The following RIMS2 variants were observed in gnomAD, a reference collection of about 807,000 sequenced individuals.
The protein encoded by RIMS2 is regulating synaptic membrane exocytosis 2, also known as regulating synaptic membrane exocytosis protein 2.
Under a neutral mutation model 174.4 loss-of-function variants are expected in RIMS2, and 59 were observed. The observed-to-expected ratio is 0.34, with a 90% CI of 0.27 to 0.42. The LOEUF is 0.42. Ranked by LOEUF, RIMS2 falls within the 10% of genes least tolerant of loss-of-function variation. The probability of loss-of-function intolerance (pLI) is 1.00; values close to 1 mark genes in which losing one functional copy is unlikely to be tolerated. For synonymous variants in RIMS2, 606 were observed against 572.5 expected (o/e 1.06, Z -0.84); for missense variants, 1,620 against 1,666.3 (o/e 0.97, Z 0.48).
chr8:103,542,158 A>G (rs781327090), intron 1 of RIMS2, among the ~76,000 whole-genome samples: 1 of 152,188 alleles, frequency 6.6e-6, no homozygotes, highest in Non-Finnish European at 1.5e-5. Context: ...AAGAAAAGAT[A>G]TTCCAACTCA....
intron 3 of RIMS2, among the ~76,000 whole-genome samples, chr8:103,855,598 C>G (rs2099023346): frequency 6.6e-6 from 1 of 151,864 alleles, no homozygotes; most frequent in Admixed American, 6.6e-5. Context: ...TTATTTCTGC[C>G]TTAATTTCAG....
At chr8:103,796,926 A>C (rs1387399807) in intron 3 of RIMS2, among the ~76,000 whole-genome samples, 1 of 152,216 alleles carries the variant, frequency 6.6e-6, no homozygotes, top group Non-Finnish European at 1.5e-5. Flanking sequence ...CTGAGGTCCC[A>C]GTGACAAGTG....
intron 1 of RIMS2, among the ~76,000 whole-genome samples, chr8:103,532,926 A>T (rs1837921445): frequency 6.6e-6 from 1 of 152,236 alleles, no homozygotes; most frequent in South Asian, 2.1e-4. Flanking sequence ...GTAGAGTATG[A>T]GTTGCTAAGT....
chr8:103,868,997 T>G (rs2099096927), intron 3 of RIMS2, among the ~76,000 whole-genome samples: 1 of 152,086 alleles, frequency 6.6e-6, no homozygotes, highest in Non-Finnish European at 1.5e-5. Flanking sequence ...ATGAAAAAAT[T>G]TGTTATTTTT....
intron 3 of RIMS2, among the ~76,000 whole-genome samples, chr8:103,812,417 T>A (rs2098694554): frequency 1.3e-5 from 2 of 148,764 alleles, no homozygotes; most frequent in Admixed American, 1.4e-4. Flanking sequence ...TGGCACGATC[T>A]TGGCTCACTG....
chr8:103,680,228 T>C (rs902067151), intron 1 of RIMS2, among the ~76,000 whole-genome samples: 1 of 152,030 alleles, frequency 6.6e-6, no homozygotes, highest in Non-Finnish European at 1.5e-5. Flanking sequence ...CAGACCTATG[T>C]ATATATGGGA....
chr8:103,965,039 C>T (rs2091429001), intron 15 of RIMS2, among the ~76,000 whole-genome samples: 1 of 152,152 alleles, frequency 6.6e-6, no homozygotes, highest in Admixed American at 6.6e-5. Context: ...CCAAAGAGTA[C>T]CACAGTGTCC....
intron 1 of RIMS2, among the ~76,000 whole-genome samples, chr8:103,680,298 A>G (rs1450819511): frequency 6.6e-6 from 1 of 152,090 alleles, no homozygotes; most frequent in Non-Finnish European, 1.5e-5. Context: ...ACTAGCTAGT[A>G]TATGATGCTT....
chr8:104,009,294 T>C (rs1404490226), intron 17 of RIMS2, among the ~76,000 whole-genome samples: 3 of 151,798 alleles, frequency 2.0e-5, no homozygotes, highest in African/African-American at 4.8e-5. Flanking sequence ...CTGCTGGTTT[T>C]TTTTTTTATT....
intron 1 of RIMS2, among the ~76,000 whole-genome samples, chr8:103,659,881 C>T (rs1411539225): frequency 1.3e-5 from 2 of 152,352 alleles, no homozygotes; most frequent in East Asian, 3.9e-4. Flanking sequence ...AATGCTGCTT[C>T]GAGTGCACAC....
At chr8:104,037,872 T>G (rs2096546128) in intron 19 of RIMS2, among the ~76,000 whole-genome samples, 1 of 152,140 alleles carries the variant, frequency 6.6e-6, no homozygotes, top group African/African-American at 2.4e-5. Context: ...TGGATGCATA[T>G]ATGACAGTGG....
chr8:104,064,352 T>C (rs906352935), intron 19 of RIMS2, among the ~76,000 whole-genome samples: 4 of 152,108 alleles, frequency 2.6e-5, no homozygotes, highest in African/African-American at 9.6e-5. Context: ...AAATTTCCAA[T>C]TTAAAAAAAT....
intron 1 of RIMS2, among the ~76,000 whole-genome samples, chr8:103,589,664 G>C (rs950735619): frequency 6.6e-6 from 1 of 151,532 alleles, no homozygotes; most frequent in Non-Finnish European, 1.5e-5. Flanking sequence ...CAATAGCTAA[G>C]ATTTGGAAGC....
intron 20 of RIMS2, among the ~76,000 whole-genome samples, chr8:104,246,556 A>G (rs1240047435): frequency 6.6e-6 from 1 of 152,224 alleles, no homozygotes; most frequent in African/African-American, 2.4e-5. Context: ...TAAAAGAAAA[A>G]CTAGTAAAAT....
intron 1 of RIMS2, among the ~76,000 whole-genome samples, chr8:103,587,607 C>G (rs941090461): frequency 6.6e-6 from 1 of 151,856 alleles, no homozygotes; most frequent in Non-Finnish European, 1.5e-5. Flanking sequence ...AAGGATGGCT[C>G]AACGTACACA....
intron 3 of RIMS2, chr8:103,768,375 T>C (rs1197461499): frequency 2.7e-6 from 2 of 736,490 alleles, no homozygotes; most frequent in Non-Finnish European, 5.0e-6. Context: ...GAGAAGCATA[T>C]GGCCACAGAA....
At chr8:104,245,143 A>G (rs1166066330) in intron 20 of RIMS2, 86 bp downstream of exon 26, 5 of 1,365,852 alleles carry the variant, frequency 3.7e-6, no homozygotes, top group Non-Finnish European at 5.1e-6. Context: ...TCCAACTCTC[A>G]TGCTCTTCAG....
chr8:104,251,844 C>T (rs761386368), exon 24 of RIMS2: 1 of 1,140,186 alleles, frequency 8.8e-7, no homozygotes, highest in Non-Finnish European at 1.3e-6. Context: ...ATTGTTGTCA[C>T]AGCAACCAGC....
intron 19 of RIMS2, among the ~76,000 whole-genome samples, chr8:104,155,394 C>A (rs578162240): frequency 6.8e-6 from 1 of 147,860 alleles, no homozygotes; most frequent in South Asian, 2.2e-4. Context: ...GCATGAGCCA[C>A]CGCGCCCGGC....
Sources: allele counts gnomAD v4.1 joint callset (sites outside exome capture counted in the v4.1 genomes callset), GRCh38; gene constraint gnomAD v4.1.1; transcripts MANE v1.5; gene names NCBI Gene and HGNC (gene_info 2026-07-23, HGNC 2026-07-21).